SEPTIN9: variants seen among roughly 807,000 people sequenced by gnomAD.
SEPTIN9 encodes the protein septin 9.
A neutral mutation model predicts 56.6 loss-of-function variants in SEPTIN9; 13 were observed. The observed-to-expected ratio is 0.23, with a 90% CI of 0.15 to 0.37. The LOEUF is 0.37. SEPTIN9 is among the 10% of genes least tolerant of loss of function. The probability of loss-of-function intolerance (pLI) is 1.00; values close to 1 mark genes in which losing one functional copy is unlikely to be tolerated. For missense variants in SEPTIN9, 650 were observed against 823.1 expected, an observed-to-expected ratio of 0.79 and a Z score of 2.57; for synonymous variants, 332 against 334.1, an observed-to-expected ratio of 0.99 and a Z score of 0.07.
At chr17:77,282,815 C>T (rs1000167596) in intron 1 of SEPTIN9, among the ~76,000 whole-genome samples, 4 of 152,170 alleles carry the variant, frequency 2.6e-5, no homozygotes, top group African/African-American at 9.7e-5. Flanking sequence ...GTTTTGGCAC[C>T]GGGGCTTCCT....
chr17:77,283,977 C>T (rs761707398), intron 1 of SEPTIN9, among the ~76,000 whole-genome samples: 9 of 152,182 alleles, frequency 5.9e-5, no homozygotes, highest in Non-Finnish European at 1.3e-4. Flanking sequence ...CCAAATACTA[C>T]AGGAATGCCC....
At chr17:77,454,526 G>GC in intron 3 of SEPTIN9, 1 of 259,342 alleles carries the variant, frequency 3.9e-6, no homozygotes. Flanking sequence ...GGTCCCTCTC[G>GC]CCCCCACCCA....
At chr17:77,398,782 C>T (rs1480918383) in intron 2 of SEPTIN9, among the ~76,000 whole-genome samples, 1 of 152,166 alleles carries the variant, frequency 6.6e-6, no homozygotes, top group African/African-American at 2.4e-5. Flanking sequence ...CTTTGAGCAG[C>T]GCCGTCCTGA....
In SEPTIN9 at chr17:77,449,198, C is replaced by T. The variant is rs1236765865; in HGVS notation, c.722-32946C>T. On this transcript the variant is annotated intron_variant, in intron 3 of 11. Coordinates refer to ENST00000427177, the MANE Select transcript of SEPTIN9 (RefSeq NM_001113491.2). The surrounding 1 kb of genome is among the most constrained non-coding windows in gnomAD (Gnocchi z 4.6). ...GCCAGCCGAGAAGGCTCTGGGGCTGCTCTACCTGAATGCTGAGTGTGTGCT... is the reference window on the plus strand; with the variant it reads ...GCCAGCCGAGAAGGCTCTGGGGCTGTTCTACCTGAATGCTGAGTGTGTGCT... Among the ~76,000 whole-genome samples the T allele has an allele frequency of 6.6e-6, 1 of 152,144 alleles. No individual in the cohort carries two copies. Among genetic ancestry groups the T allele is most frequent in the Non-Finnish European group, 1.5e-5 (1 of 68,042 alleles).
chr17:77,464,687 G>A (rs1002503243), intron 3 of SEPTIN9, among the ~76,000 whole-genome samples: 53 of 150,800 alleles, frequency 3.5e-4, no homozygotes, highest in African/African-American at 1.2e-3. Flanking sequence ...TGCAAGCTTC[G>A]CCTCCCAGGT....
chr17:77,387,883 C>A (rs2035392139), intron 2 of SEPTIN9, among the ~76,000 whole-genome samples: 1 of 150,096 alleles, frequency 6.7e-6, no homozygotes, highest in Non-Finnish European at 1.5e-5. Flanking sequence ...GACCCTCCAC[C>A]CCCACCTCCC....
chr17:77,457,919 G>A (rs1344411721), intron 3 of SEPTIN9, among the ~76,000 whole-genome samples: 1 of 152,194 alleles, frequency 6.6e-6, no homozygotes, highest in Admixed American at 6.5e-5. Context: ...CAGAATACAT[G>A]AGGTTTAACC....
In SEPTIN9 at chr17:77,437,663, A is replaced by G. The variant is rs150788250; in HGVS notation, c.721+34960A>G. 5.8e-3 allele frequency among the ~76,000 whole-genome samples: 879 copies of G among 152,124 alleles called. 9 individuals carry two copies. The highest frequency in any genetic ancestry group is 0.02 in the African/African-American group (825 of 41,476). On this transcript the variant is annotated intron_variant, in intron 3 of 11. Coordinates refer to ENST00000427177, the MANE Select transcript of SEPTIN9 (RefSeq NM_001113491.2). The surrounding 1 kb of genome is among the most constrained non-coding windows in gnomAD (Gnocchi z 5.3). ...CATCGCCAGTGGCCCTGGCCTGCCC[A>G]GTCATCCTTCTGGGGTGGCCAAACT...
Position 77,492,248 on chromosome 17 carries a change from G to A in SEPTIN9, c.1381-373G>A, listed in dbSNP as rs949924958. ...AGGGAGCTGAGAGGTTACTGCAGGC[G>A]GGGCCCCTGCTGGAACTGGGGACTG... On this transcript the variant is annotated intron_variant, in intron 8 of 11. Transcript: ENST00000427177. This position sits in a 1 kb window ranked among gnomAD's most constrained non-coding sequence, Gnocchi z 5.4. Among the ~76,000 whole-genome samples the A allele has an allele frequency of 6.6e-6, 1 of 152,284 alleles. No individual in the cohort carries two copies. Among genetic ancestry groups the A allele is most frequent in the East Asian group, 1.9e-4 (1 of 5,178 alleles).
intron 2 of SEPTIN9, among the ~76,000 whole-genome samples, chr17:77,365,062 C>T (rs183289350): frequency 1.4e-4 from 21 of 152,322 alleles, no homozygotes; most frequent in Admixed American, 1.2e-3. Context: ...TTATGTGGTT[C>T]GGTCTCCACT....
chr17:77,444,304 G>A (rs2037655507), intron 3 of SEPTIN9, among the ~76,000 whole-genome samples: 1 of 152,232 alleles, frequency 6.6e-6, no homozygotes, highest in Non-Finnish European at 1.5e-5. Context: ...AGCCCTGCAT[G>A]GGCAGGAGGG....
At position 77,369,292 on chromosome 17, in the gene SEPTIN9, G is replaced by C. The variant is rs1329155087; in HGVS notation, c.77-32767G>C. ...AGGAATATTGACACCACAGGAATAG[G>C]CAAGCGCTACAAATCGGGAAACTGA... On this transcript the variant is annotated intron_variant, in intron 2 of 11. Transcript: ENST00000427177. The surrounding 1 kb of genome is among the most constrained non-coding windows in gnomAD (Gnocchi z 4.9). 6.6e-6 allele frequency among the ~76,000 whole-genome samples: 1 copy of C among 152,174 alleles called. No individual in the cohort carries two copies. The highest frequency in any genetic ancestry group is 1.9e-4 in the East Asian group (1 of 5,198).
intron 3 of SEPTIN9, among the ~76,000 whole-genome samples, chr17:77,460,444 G>A (rs1398843573): frequency 6.6e-6 from 1 of 152,198 alleles, no homozygotes; most frequent in Non-Finnish European, 1.5e-5. Flanking sequence ...TTAAACTTGA[G>A]CAGTCCAGGG....
At chr17:77,440,380 C>G (rs2037502372) in intron 3 of SEPTIN9, among the ~76,000 whole-genome samples, 1 of 152,152 alleles carries the variant, frequency 6.6e-6, no homozygotes, top group African/African-American at 2.4e-5. Context: ...GTCTCGAACT[C>G]CCGACTTCAG....
intron 3 of SEPTIN9, among the ~76,000 whole-genome samples, chr17:77,465,407 G>A (rs2038668805): frequency 6.6e-6 from 1 of 152,202 alleles, no homozygotes; most frequent in African/African-American, 2.4e-5. Flanking sequence ...GTCTGCTGAG[G>A]GACCCAGGCC....
intron 2 of SEPTIN9, among the ~76,000 whole-genome samples, chr17:77,311,925 A>C (rs9910973): frequency 6.6e-6 from 1 of 152,020 alleles, no homozygotes; most frequent in Non-Finnish European, 1.5e-5. Flanking sequence ...ATAGCTACCC[A>C]CTCTTCCTCT....
At chr17:77,409,708 C>T (rs1374869784) in intron 3 of SEPTIN9, among the ~76,000 whole-genome samples, 1 of 152,232 alleles carries the variant, frequency 6.6e-6, no homozygotes, top group East Asian at 1.9e-4. Flanking sequence ...TGTCTGTACC[C>T]GCCGCCTCCC....
intron 2 of SEPTIN9, among the ~76,000 whole-genome samples, chr17:77,349,103 A>C (rs758344632): frequency 5.3e-5 from 8 of 151,138 alleles, no homozygotes; most frequent in Non-Finnish European, 1.2e-4. Flanking sequence ...TTTTATTTTT[A>C]TTTTTATTTT....
At chr17:77,490,588 C>T (rs954001677) in intron 7 of SEPTIN9, among the ~76,000 whole-genome samples, 154 bp from the exon 8 acceptor site, 3 of 152,186 alleles carry the variant, frequency 2.0e-5, no homozygotes, top group Non-Finnish European at 2.9e-5. Context: ...ACACTCACAG[C>T]GTGGCCGACT....
Sources: gnomAD v4.1 joint callset for allele counts (sites outside exome capture counted in the v4.1 genomes callset) on GRCh38, gnomAD v4.1.1 for gene constraint, Gnocchi (gnomAD v3.1) non-coding constraint, MANE v1.5 for transcripts, NCBI Gene and HGNC (gene_info 2026-07-23, HGNC 2026-07-21) for gene names.